LARS2: variants seen among roughly 807,000 people sequenced by gnomAD.
LARS2 encodes the protein leucine--tRNA ligase, mitochondrial.
LARS2 carries 81 observed loss-of-function variants against 116.6 expected under a neutral mutation model. The observed-to-expected ratio is 0.69, with a 90% CI of 0.58 to 0.84. The LOEUF (loss-of-function observed/expected upper bound fraction) is 0.84, where lower values mean the gene tolerates loss of function less well. Among genes scored for constraint, LARS2 ranks in the 40% least tolerant of loss-of-function variants. LARS2 has a pLI of 0.00. For missense variants in LARS2, 968 were observed against 1,114.5 expected, an observed-to-expected ratio of 0.87 and a Z score of 1.87; for synonymous variants, 396 against 407.2, an observed-to-expected ratio of 0.97 and a Z score of 0.33.
intron 21 of LARS2, among the ~76,000 whole-genome samples, chr3:45,542,293 C>T (rs889237905): frequency 3.9e-5 from 6 of 152,116 alleles, no homozygotes; most frequent in Non-Finnish European, 7.3e-5. Context: ...CAATTTCACT[C>T]GTATGCTCCT....
intron 6 of LARS2, among the ~76,000 whole-genome samples, chr3:45,424,803 T>G (rs1698568765): frequency 6.6e-6 from 1 of 152,218 alleles, no homozygotes; most frequent in Non-Finnish European, 1.5e-5. Flanking sequence ...GGTCTTTCAT[T>G]GTGACAGTTT....
At chr3:45,460,066 G>A (rs1406297777) in intron 8 of LARS2, among the ~76,000 whole-genome samples, 1 of 152,204 alleles carries the variant, frequency 6.6e-6, no homozygotes, top group Non-Finnish European at 1.5e-5. Flanking sequence ...TAGAATTGTA[G>A]GACGCCAACT....
chr3:45,539,008 G>A (rs1004238891), intron 20 of LARS2, among the ~76,000 whole-genome samples: 2 of 152,156 alleles, frequency 1.3e-5, no homozygotes, highest in Non-Finnish European at 2.9e-5. Flanking sequence ...ACTTTGAGTA[G>A]CTCAGAAGTG....
intron 4 of LARS2, among the ~76,000 whole-genome samples, chr3:45,405,201 A>G (rs974530662): frequency 2.0e-5 from 3 of 151,326 alleles, no homozygotes; most frequent in African/African-American, 7.3e-5. Flanking sequence ...CAATCCTCCC[A>G]TCTTGGCCTC....
chr3:45,415,876 T>G (rs192884190), intron 4 of LARS2, among the ~76,000 whole-genome samples: 4,776 of 67,408 alleles, frequency 0.071, 159 homozygotes, highest in East Asian at 0.14. Flanking sequence ...TATATATATA[T>G]AGAGAGAGAG....
rs1698125524 is a variant in LARS2, at chr3:45,400,378, G to C, written c.363+5G>C. ...CAGAAGATGAGAGGGATGCAGGTAA[G>C]AACAGGTGCCTGCTGGAGCAGCCCT... On this transcript the variant is annotated splice_donor_5th_base_variant and intron_variant, in intron 4 of 21. Coordinates refer to ENST00000645846, the MANE Select transcript of LARS2 (RefSeq NM_015340.4). 4 of 1,597,740 alleles carry C rather than the reference G, an allele frequency of 2.5e-6. No individual in the cohort carries two copies. The highest frequency in any genetic ancestry group is 8.5e-7 in the Non-Finnish European group (1 of 1,172,174).
intron 10 of LARS2, 48 bp downstream of exon 10, chr3:45,476,675 T>C (rs746184534): frequency 1.3e-6 from 2 of 1,597,488 alleles, no homozygotes; most frequent in Admixed American, 3.3e-5. Flanking sequence ...CTACCTTACA[T>C]TTGGATGGCG....
intron 6 of LARS2, among the ~76,000 whole-genome samples, chr3:45,431,925 A>G (rs1333782225): frequency 6.6e-6 from 1 of 152,196 alleles, no homozygotes; most frequent in Non-Finnish European, 1.5e-5. Context: ...CAACAGACTC[A>G]TTTTAGATCC....
At chr3:45,472,793 G>C (rs1699547765) in intron 8 of LARS2, among the ~76,000 whole-genome samples, 1 of 152,148 alleles carries the variant, frequency 6.6e-6, no homozygotes, top group East Asian at 1.9e-4. Flanking sequence ...GAGTGACTTG[G>C]GGAAAAGTTC....
chr3:45,423,461 C>T lies in LARS2; in HGVS notation c.516+3732C>T, dbSNP rs550366286. 2.0e-5 allele frequency among the ~76,000 whole-genome samples: 3 copies of T among 152,244 alleles called. No individual in the cohort carries two copies. The East Asian group carries it at 5.8e-4, about 29-fold the overall frequency. ...CTCAGTAGCTGGGATTACAGGCACGCACCACTACACCCGGCTTCTTTTTGT... is the reference window on the plus strand; with the variant it reads ...CTCAGTAGCTGGGATTACAGGCACGTACCACTACACCCGGCTTCTTTTTGT... On this transcript the variant is annotated intron_variant, in intron 6 of 21. Coordinates refer to ENST00000645846, the MANE Select transcript of LARS2 (RefSeq NM_015340.4).
chr3:45,422,327 G>A (rs1698527598), intron 6 of LARS2: 1 of 151,870 alleles, frequency 6.6e-6, no homozygotes, highest in African/African-American at 2.4e-5. Context: ...TTTTTTAATG[G>A]TTTTTGTTAC....
chr3:45,534,579 G>A (rs1160082159), intron 20 of LARS2, among the ~76,000 whole-genome samples: 1 of 152,162 alleles, frequency 6.6e-6, no homozygotes, highest in African/African-American at 2.4e-5. Context: ...AAGGTGGCAT[G>A]TCAGAAATGA....
At chr3:45,423,406 A>G (rs4683110) in intron 6 of LARS2, among the ~76,000 whole-genome samples, 133,604 of 152,042 alleles carry the variant, frequency 0.88, 61,253 homozygotes, top group East Asian at 1. Context: ...TCTGCCTCCC[A>G]GGTTCAAGCG....
rs1334712791 is a variant in LARS2, at chr3:45,474,351, G to T, written c.858+1G>T. Reference sequence around the variant, plus strand: ...CTGCCACCTGGACTTCACATTAAAGGTGATTAAGTAATAGCAGCTCCAGCA... The same window carrying T: ...CTGCCACCTGGACTTCACATTAAAGTTGATTAAGTAATAGCAGCTCCAGCA... On this transcript the variant is annotated splice_donor_variant, in intron 9 of 21. Coordinates refer to ENST00000645846, the MANE Select transcript of LARS2 (RefSeq NM_015340.4). LOFTEE classifies it high-confidence loss of function. 4.4e-6 allele frequency: 7 copies of T among 1,578,158 alleles called. No homozygotes were observed. The South Asian group carries it at 7.8e-5, about 18-fold the overall frequency.
At chr3:45,489,925 T>A (rs1342262631) in intron 12 of LARS2, among the ~76,000 whole-genome samples, 1 of 152,180 alleles carries the variant, frequency 6.6e-6, no homozygotes, top group Admixed American at 6.5e-5. Context: ...TGGCTCTGAA[T>A]CACCTGGGAG....
chr3:45,419,794 C>T, intron 6 of LARS2, 65 bp downstream of exon 6: 1 of 1,296,928 alleles, frequency 7.7e-7, no homozygotes, highest in South Asian at 1.2e-5. Context: ...AGGGAGCACT[C>T]TTCTTCCTCT....
At chr3:45,541,464 G>A (rs1234234448) in intron 20 of LARS2, 5 of 197,810 alleles carry the variant, frequency 2.5e-5, no homozygotes, top group Non-Finnish European at 5.1e-5. Flanking sequence ...GATAGGTAGC[G>A]AATGCTGCTC....
At chr3:45,391,471 G>A (rs1246517940) in intron 1 of LARS2, 112 bp from the exon 2 acceptor site, 5 of 144,512 alleles carry the variant, frequency 3.5e-5, no homozygotes, top group Non-Finnish European at 4.5e-5. Flanking sequence ...GCGACAGTGC[G>A]ACACTCTGAC....
At position 45,419,675 on chromosome 3, in the gene LARS2, T is replaced by C. The variant is rs758575224; in HGVS notation, c.462T>C (p.Ile154=). ...LHPQSWTQSN[I]KHMRKQLDRL... ...TTTTCCCATTGTTTCACAGTAATATTAAACACATGAGGAAACAGCTTGATC... is the reference window on the plus strand; with the variant it reads ...TTTTCCCATTGTTTCACAGTAATATCAAACACATGAGGAAACAGCTTGATC... Residue 154 remains isoleucine, a synonymous_variant, in exon 6 of 22, where the codon ATT becomes ATC. Transcript: ENST00000645846. 1.2e-6 allele frequency: 2 copies of C among 1,613,626 alleles called. No individual in the cohort carries two copies. Among genetic ancestry groups the C allele is most frequent in the Non-Finnish European group, 1.7e-6 (2 of 1,179,530 alleles).
Sources: gnomAD v4.1 joint callset for allele counts (sites outside exome capture counted in the v4.1 genomes callset) on GRCh38, gnomAD v4.1.1 for gene constraint, MANE v1.5 for transcripts, NCBI Gene and HGNC (gene_info 2026-07-23, HGNC 2026-07-21) for gene names.